Variants in MAD1L1 observed in about 807,000 individuals in gnomAD.
MAD1L1 encodes mitotic arrest deficient 1 like 1, also known as mitotic spindle assembly checkpoint protein MAD1.
MAD1L1 carries 95 observed loss-of-function variants against 96.9 expected under a neutral mutation model. That is an observed-to-expected ratio of 0.98 (90% CI 0.83 to 1.16). The LOEUF (loss-of-function observed/expected upper bound fraction) is 1.16. MAD1L1 is among the 50% of genes most tolerant of loss of function. MAD1L1 has a pLI of 0.00. For missense variants in MAD1L1, 1,007 were observed against 954.4 expected (o/e 1.06, Z -0.73); for synonymous variants, 473 against 396.6 (o/e 1.19, Z -2.29).
intron 17 of MAD1L1, among the ~76,000 whole-genome samples, chr7:1,912,866 A>G (rs1583760163): frequency 2.0e-5 from 3 of 152,042 alleles, no homozygotes; most frequent in Non-Finnish European, 4.4e-5. Context: ...CCGTGGAGAG[A>G]GGCCTGGGGT....
chr7:2,216,302 G>A lies in MAD1L1; in HGVS notation c.679-15C>T, dbSNP rs368662187. ...TGCTCCAGATCCTGATGGAGGCCAG[G>A]GACAGAGAAGAAGGGAAAAATGAGC... On this transcript the variant is annotated splice_polypyrimidine_tract_variant and intron_variant, in intron 7 of 18. Transcript: ENST00000265854. 40 of 1,609,494 alleles carry A rather than the reference G, an allele frequency of 2.5e-5. No individual in the cohort carries two copies. In the African/African-American group the frequency reaches 4.8e-4, roughly 19 times the overall value.
chr7:1,914,914 G>T (rs1453139938), intron 17 of MAD1L1, among the ~76,000 whole-genome samples: 2 of 152,256 alleles, frequency 1.3e-5, no homozygotes, highest in Non-Finnish European at 2.9e-5. Flanking sequence ...CGCCGGCCCT[G>T]CTGTGTTGAG....
chr7:1,911,623 C>T (rs116372129), intron 17 of MAD1L1, among the ~76,000 whole-genome samples: 65 of 152,330 alleles, frequency 4.3e-4, no homozygotes, highest in African/African-American at 1.5e-3. Flanking sequence ...GGCCAGACTC[C>T]GGCGTCACCT....
chr7:1,857,689 G>A (rs927281428), intron 18 of MAD1L1, among the ~76,000 whole-genome samples: 1 of 152,230 alleles, frequency 6.6e-6, no homozygotes, highest in South Asian at 2.1e-4. Flanking sequence ...GAGCAAAAAA[G>A]AGGACACAGG....
intron 10 of MAD1L1, among the ~76,000 whole-genome samples, chr7:2,169,397 A>C (rs942043466): frequency 6.6e-6 from 1 of 152,102 alleles, no homozygotes; most frequent in Non-Finnish European, 1.5e-5. Context: ...TTCTATAGCC[A>C]CCTTGCTCAA....
At chr7:2,096,728 C>T (rs1786509977) in intron 11 of MAD1L1, among the ~76,000 whole-genome samples, 1 of 152,166 alleles carries the variant, frequency 6.6e-6, no homozygotes, top group African/African-American at 2.4e-5. Context: ...TCAACTCAGG[C>T]CCCTTCACGA....
At chr7:2,140,718 G>A (rs1193676886) in intron 11 of MAD1L1, among the ~76,000 whole-genome samples, 1 of 152,246 alleles carries the variant, frequency 6.6e-6, no homozygotes, top group Non-Finnish European at 1.5e-5. Context: ...GATGGCAGTT[G>A]CCTTCCCCCA....
intron 13 of MAD1L1, among the ~76,000 whole-genome samples, chr7:2,009,515 G>A (rs1284821691): frequency 6.6e-6 from 1 of 152,214 alleles, no homozygotes; most frequent in African/African-American, 2.4e-5. Flanking sequence ...AGAAGCAGGA[G>A]GCGGCACACC....
chr7:2,127,893 G>A (rs531854530), intron 11 of MAD1L1, among the ~76,000 whole-genome samples: 12 of 152,214 alleles, frequency 7.9e-5, no homozygotes, highest in African/African-American at 1.4e-4. Context: ...CCCCAGAGCC[G>A]GTCTGAACTG....
At chr7:2,210,368 G>C (rs1158649555) in intron 10 of MAD1L1, among the ~76,000 whole-genome samples, 1 of 152,174 alleles carries the variant, frequency 6.6e-6, no homozygotes, top group Non-Finnish European at 1.5e-5. Context: ...ACTGTGCGCA[G>C]CCAGAAATGC....
At chr7:1,840,774 T>C (rs1783208361) in intron 18 of MAD1L1, among the ~76,000 whole-genome samples, 2 of 152,338 alleles carry the variant, frequency 1.3e-5, no homozygotes, top group South Asian at 4.1e-4. Flanking sequence ...TCAGGGCTCC[T>C]GCAGTTCAAG....
At chr7:2,217,277 C>G (rs2114997217) in intron 7 of MAD1L1, among the ~76,000 whole-genome samples, 1 of 152,338 alleles carries the variant, frequency 6.6e-6, no homozygotes, top group Non-Finnish European at 1.5e-5. Flanking sequence ...ACGACCAAAC[C>G]AGACGGTCAT....
At chr7:1,908,357 G>A (rs1301542757) in intron 17 of MAD1L1, among the ~76,000 whole-genome samples, 1 of 152,190 alleles carries the variant, frequency 6.6e-6, no homozygotes, top group Non-Finnish European at 1.5e-5. Flanking sequence ...CAGAATTCCA[G>A]GCTGTATACA....
At chr7:1,885,193 C>A (rs1003405696) in intron 18 of MAD1L1, among the ~76,000 whole-genome samples, 6 of 152,150 alleles carry the variant, frequency 3.9e-5, no homozygotes, top group African/African-American at 1.4e-4. Flanking sequence ...CGGGCTCCTG[C>A]ATGGACGCCC....
intron 18 of MAD1L1, among the ~76,000 whole-genome samples, chr7:1,853,850 G>A (rs1359469602): frequency 6.6e-6 from 1 of 152,130 alleles, no homozygotes; most frequent in African/African-American, 2.4e-5. Context: ...GGGGAGGACC[G>A]GGCAGGCCCC....
At chr7:1,852,342 C>G (rs971435719) in intron 18 of MAD1L1, among the ~76,000 whole-genome samples, 1 of 152,186 alleles carries the variant, frequency 6.6e-6, no homozygotes, top group Admixed American at 6.5e-5. Context: ...ACTGGGAGGA[C>G]CTGGCTTGGG....
intron 10 of MAD1L1, among the ~76,000 whole-genome samples, chr7:2,190,131 A>T (rs575111928): frequency 1.0e-4 from 16 of 152,384 alleles, no homozygotes; most frequent in African/African-American, 3.6e-4. Flanking sequence ...AAAAAGCTGG[A>T]GGGCTTACTA....
Position 1,904,149 on chromosome 7 carries a change from G to A in MAD1L1, c.1808-5759C>T, listed in dbSNP as rs371130219. 1.4e-5 allele frequency among the ~76,000 whole-genome samples: 2 copies of A among 146,898 alleles called. 1 individual carries two copies. The highest frequency in any genetic ancestry group is 4.4e-4 in the South Asian group (2 of 4,562). On this transcript the variant is annotated intron_variant, in intron 17 of 18. Transcript: ENST00000265854. ...CTGTTCCAGGCAGCGAGGACGCAGTGGCCTATGGAAGACGCTCTTGCAGAA... is the reference window on the plus strand; with the variant it reads ...CTGTTCCAGGCAGCGAGGACGCAGTAGCCTATGGAAGACGCTCTTGCAGAA...
At chr7:2,116,512 C>T (rs1350459782) in intron 11 of MAD1L1, among the ~76,000 whole-genome samples, 3 of 142,328 alleles carry the variant, frequency 2.1e-5, no homozygotes, top group Non-Finnish European at 3.0e-5. Flanking sequence ...CAGCAAGACC[C>T]CAGGTGGGCA....
Sources: allele counts gnomAD v4.1 joint callset (sites outside exome capture counted in the v4.1 genomes callset), GRCh38; gene constraint gnomAD v4.1.1; transcripts MANE v1.5; gene names NCBI Gene and HGNC (gene_info 2026-07-23, HGNC 2026-07-21).